The following N4BP2L2 variants were observed in gnomAD, a reference collection of about 807,000 sequenced individuals.
N4BP2L2 encodes the protein NEDD4 binding protein 2 like 2, also known as NEDD4-binding protein 2-like 2.
In N4BP2L2, 50 loss-of-function variants were observed where a neutral mutation model predicts 56.2. The observed-to-expected ratio is 0.89, with a 90% CI of 0.71 to 1.13. The LOEUF (loss-of-function observed/expected upper bound fraction) is 1.13. Among genes scored for constraint, N4BP2L2 ranks in the 50% most tolerant of loss-of-function variants. N4BP2L2 has a pLI of 0.00. For missense variants in N4BP2L2, 689 were observed against 693.8 expected (o/e 0.99, Z 0.08); for synonymous variants, 203 against 223.6 (o/e 0.91, Z 0.82).
At chr13:32,481,936 C>T (rs1167514981) in intron 6 of N4BP2L2, among the ~76,000 whole-genome samples, 1 of 152,150 alleles carries the variant, frequency 6.6e-6, no homozygotes, top group Non-Finnish European at 1.5e-5. Context: ...CAGTATTCTA[C>T]AGTTCAAAAT....
At chr13:32,443,491 A>T in exon 7 of N4BP2L2, 1 of 1,612,308 alleles carries the variant, frequency 6.2e-7, no homozygotes, top group Non-Finnish European at 8.5e-7. Flanking sequence ...CTCTCTTAAA[A>T]CTTTATCTGA....
At chr13:32,488,193 TG>T (rs2086294448) in intron 6 of N4BP2L2, among the ~76,000 whole-genome samples, 2 of 152,202 alleles carry the variant, frequency 1.3e-5, no homozygotes, top group Non-Finnish European at 2.9e-5. Context: ...ATTCAGAAAA[TG>T]TGGTATATAT....
At chr13:32,515,326 A>G (rs2048974430) in exon 6 of N4BP2L2, 2 of 152,134 alleles carry the variant, frequency 1.3e-5, no homozygotes, top group African/African-American at 4.8e-5. Flanking sequence ...TTGAAGTCCC[A>G]GCTACTTGGG....
chr13:32,467,114 TAAG>T (rs1277516583), intron 6 of N4BP2L2, among the ~76,000 whole-genome samples: 1 of 152,190 alleles, frequency 6.6e-6, no homozygotes, highest in Admixed American at 6.5e-5. Context: ...CAAAAATAGT[TAAG>T]AATTAACAAT....
At chr13:32,461,390 T>C (rs1304419261) in intron 6 of N4BP2L2, among the ~76,000 whole-genome samples, 2 of 152,046 alleles carry the variant, frequency 1.3e-5, no homozygotes, top group South Asian at 2.1e-4. Context: ...ATATACAGAA[T>C]ATACAAAGAA....
exon 1 of N4BP2L2, chr13:32,538,641 C>G: frequency 1.0e-6 from 1 of 985,530 alleles, no homozygotes; most frequent in Non-Finnish European, 1.2e-6. Flanking sequence ...TACGCATTGA[C>G]CTTTACCTCC....
chr13:32,498,528 G>A (rs533634284), intron 6 of N4BP2L2, among the ~76,000 whole-genome samples: 85 of 151,884 alleles, frequency 5.6e-4, no homozygotes, highest in Admixed American at 9.8e-4. Context: ...TTTTAGTAGA[G>A]ATGGGGTTTT....
chr13:32,434,776 T>G (rs1259478789), intron 9 of N4BP2L2, among the ~76,000 whole-genome samples: 2 of 151,948 alleles, frequency 1.3e-5, no homozygotes, highest in Non-Finnish European at 2.9e-5. Context: ...CTCAATAAAA[T>G]AGTAAAAAAA....
chr13:32,508,865 TG>T (rs1184671720), downstream of N4BP2L2: 1 of 152,210 alleles, frequency 6.6e-6, no homozygotes, highest in African/African-American at 2.4e-5. Flanking sequence ...ATTTTAAGAC[TG>T]GGACAAATAC....
exon 6 of N4BP2L2, chr13:32,510,490 T>G (rs2047866981): frequency 6.7e-6 from 1 of 149,680 alleles, no homozygotes; most frequent in Non-Finnish European, 1.5e-5. Flanking sequence ...TAGTATAAAC[T>G]CTATCAATTT....
At chr13:32,489,121 G>A (rs2086525285) in intron 6 of N4BP2L2, among the ~76,000 whole-genome samples, 1 of 152,150 alleles carries the variant, frequency 6.6e-6, no homozygotes, top group South Asian at 2.1e-4. Flanking sequence ...TACCCTGTGT[G>A]CAAATTCAGT....
At chr13:32,492,101 A>G (rs2087240280) in intron 6 of N4BP2L2, among the ~76,000 whole-genome samples, 1 of 152,140 alleles carries the variant, frequency 6.6e-6, no homozygotes, top group Non-Finnish European at 1.5e-5. Flanking sequence ...TCTGAAAACT[A>G]TCAGAAAAGA....
intron 2 of N4BP2L2, among the ~76,000 whole-genome samples, chr13:32,533,374 T>C (rs1459803880): frequency 1.3e-5 from 2 of 152,118 alleles, no homozygotes; most frequent in African/African-American, 4.8e-5. Flanking sequence ...CTTGAATACT[T>C]ACAATGTTAG....
chr13:32,535,887 G>C (rs755621573), exon 2 of N4BP2L2: 1 of 1,613,962 alleles, frequency 6.2e-7, no homozygotes, highest in Non-Finnish European at 8.5e-7. Context: ...GTTCCATTAT[G>C]CTTGTCCATA....
chr13:32,521,500 G>T, intron 4 of N4BP2L2, 51 bp from the exon 5 acceptor site: 1 of 1,259,688 alleles, frequency 7.9e-7, no homozygotes, highest in Non-Finnish European at 1.1e-6. Context: ...ACTTCTTAAA[G>T]TAAAAAGAAG....
intron 7 of N4BP2L2, among the ~76,000 whole-genome samples, chr13:32,439,859 A>C (rs1183285350): frequency 1.0e-3 from 132 of 132,622 alleles, no homozygotes; most frequent in African/African-American, 3.9e-3. Flanking sequence ...AAGAATCCAA[A>C]AAAAAAAAAA....
chr13:32,506,602 A>G (rs1020649808), downstream of N4BP2L2: 1 of 152,208 alleles, frequency 6.6e-6, no homozygotes, highest in Non-Finnish European at 1.5e-5. Context: ...ATGAGAGCAC[A>G]TAAGATGTAT....
chr13:32,510,321 T>C (rs1265856024), exon 6 of N4BP2L2: 1 of 152,072 alleles, frequency 6.6e-6, no homozygotes, highest in Non-Finnish European at 1.5e-5. Context: ...TTGAACACTA[T>C]ACATTTCAAA....
chr13:32,436,981 A>G (rs1433591606), intron 8 of N4BP2L2, among the ~76,000 whole-genome samples: 1 of 151,548 alleles, frequency 6.6e-6, no homozygotes, highest in African/African-American at 2.4e-5. Flanking sequence ...CCTGGGCTCA[A>G]GTGATTCTCC....
Sources: gnomAD v4.1 joint callset for allele counts (sites outside exome capture counted in the v4.1 genomes callset) on GRCh38, gnomAD v4.1.1 for gene constraint, MANE v1.5 for transcripts, NCBI Gene and HGNC (gene_info 2026-07-23, HGNC 2026-07-21) for gene names.